ABCC4: variants seen among roughly 807,000 people sequenced by gnomAD.
ABCC4 encodes ATP-binding cassette sub-family C member 4.
In ABCC4, 102 loss-of-function variants were observed where a neutral mutation model predicts 168.5. That is an observed-to-expected ratio of 0.61 (90% CI 0.52 to 0.71). The LOEUF (loss-of-function observed/expected upper bound fraction) is 0.71. ABCC4 is among the 30% of genes least tolerant of loss of function. ABCC4 has a pLI of 0.00. For synonymous variants in ABCC4, 617 were observed against 590.7 expected, an observed-to-expected ratio of 1.04 and a Z score of -0.65; for missense variants, 1,402 against 1,605.8, an observed-to-expected ratio of 0.87 and a Z score of 2.17.
At chr13:95,095,907 C>T (rs2034580264) in intron 20 of ABCC4, 1 of 370,064 alleles carries the variant, frequency 2.7e-6, no homozygotes, top group Non-Finnish European at 4.8e-6. Context: ...AACAAAAACC[C>T]AGAGTACTCA....
intron 1 of ABCC4, among the ~76,000 whole-genome samples, chr13:95,261,716 C>T (rs1046574564): frequency 4.6e-5 from 7 of 152,120 alleles, no homozygotes; most frequent in Admixed American, 4.6e-4. Context: ...TAAGCTAGCA[C>T]ATTAGAGGTG....
At chr13:95,066,650 A>G (rs1023800393) in intron 25 of ABCC4, among the ~76,000 whole-genome samples, 2 of 152,218 alleles carry the variant, frequency 1.3e-5, no homozygotes, top group African/African-American at 4.8e-5. Context: ...TGCATTTTGC[A>G]AAAGAGAAAA....
In ABCC4 at chr13:95,073,235, C is replaced by T. The variant is rs755821526; in HGVS notation, c.2987G>A (p.Cys996Tyr). 4 of 1,613,844 alleles carry T rather than the reference C, an allele frequency of 2.5e-6. No individual in the cohort carries two copies. Among genetic ancestry groups the T allele is most frequent in the Admixed American group, 1.7e-5 (1 of 60,004 alleles). ...CTCAACTTCAGCACTTTGTCGAACA[C>T]ACCACTGAAACATCCCCATGAGCGT... ...ALTLMGMFQW[C>Y]VRQSAEVENM... Residue 996 changes from cysteine to tyrosine, a missense_variant, in exon 24 of 31, where the codon TGT becomes TAT. Around this residue, in one of 3 missense-constraint regions of ABCC4, gnomAD observed 1,007 missense variants for 1,127.3 expected, o/e 0.89. Coordinates refer to ENST00000645237, the MANE Select transcript of ABCC4 (RefSeq NM_005845.5).
In ABCC4 at chr13:95,136,074, T is replaced by C. The variant is rs981371678; in HGVS notation, c.2456-20073A>G. Among the ~76,000 whole-genome samples, 10 of 152,286 alleles carry C rather than the reference T, an allele frequency of 6.6e-5. 1 individual carries two copies. The highest frequency in any genetic ancestry group is 2.4e-4 in the African/African-American group (10 of 41,564). On this transcript the variant is annotated intron_variant, in intron 19 of 30. Coordinates refer to ENST00000645237, the MANE Select transcript of ABCC4 (RefSeq NM_005845.5). ...CAAATCATGATTTTTTGGATATAATTTAATATAAAATTAAGTAGAACAGTA... is the reference window on the plus strand; with the variant it reads ...CAAATCATGATTTTTTGGATATAATCTAATATAAAATTAAGTAGAACAGTA...
At chr13:95,105,102 A>G (rs1316169876) in intron 20 of ABCC4, among the ~76,000 whole-genome samples, 2 of 151,974 alleles carry the variant, frequency 1.3e-5, no homozygotes, top group East Asian at 3.9e-4. Flanking sequence ...AGATGGTCCC[A>G]TCTGGGGGTG....
At chr13:95,293,261 G>A (rs529494389) in intron 1 of ABCC4, among the ~76,000 whole-genome samples, 3 of 151,934 alleles carry the variant, frequency 2.0e-5, no homozygotes, top group Non-Finnish European at 2.9e-5. Flanking sequence ...GGGAGGCTGC[G>A]GCAGGAGAAT....
At chr13:95,081,223 G>C (rs910157947) in intron 21 of ABCC4, among the ~76,000 whole-genome samples, 3 of 150,328 alleles carry the variant, frequency 2.0e-5, no homozygotes, top group South Asian at 4.2e-4. Context: ...ATTCAAGAGA[G>C]AAAATCCTAC....
chr13:95,256,432 A>C (rs1395575029), intron 1 of ABCC4, among the ~76,000 whole-genome samples: 1 of 152,226 alleles, frequency 6.6e-6, no homozygotes, highest in Non-Finnish European at 1.5e-5. Context: ...TTCTGAGCCC[A>C]TCAGTGTATG....
intron 19 of ABCC4, among the ~76,000 whole-genome samples, chr13:95,128,390 A>G (rs977663259): frequency 2.0e-5 from 3 of 152,184 alleles, no homozygotes; most frequent in Non-Finnish European, 4.4e-5. Flanking sequence ...GTTCTCCCAT[A>G]AAAAGACATC....
At chr13:95,195,719 C>A (rs72643643) in intron 8 of ABCC4, among the ~76,000 whole-genome samples, 13,473 of 151,878 alleles carry the variant, frequency 0.089, 793 homozygotes, top group Admixed American at 0.18. Flanking sequence ...CTGCAGCCTC[C>A]GCCTCTCCGG....
intron 11 of ABCC4, 88 bp downstream of exon 11, chr13:95,186,613 T>TA (rs931417912): frequency 5.6e-5 from 73 of 1,293,614 alleles, no homozygotes; most frequent in Admixed American, 9.8e-5. Flanking sequence ...CTTTAAAAAT[T>TA]AAAAAAAAGT....
At chr13:95,175,703 T>G (rs2037654629) in intron 13 of ABCC4, among the ~76,000 whole-genome samples, 1 of 152,164 alleles carries the variant, frequency 6.6e-6, no homozygotes. Flanking sequence ...AAGAGGAGAT[T>G]TGGATACAGA....
chr13:95,175,850 C>T (rs1019174959), intron 13 of ABCC4, among the ~76,000 whole-genome samples: 2 of 151,908 alleles, frequency 1.3e-5, no homozygotes, highest in African/African-American at 4.8e-5. Context: ...GCTGTGGAAG[C>T]CCCCCAGCCT....
At chr13:95,125,946 C>T (rs149256438) in intron 19 of ABCC4, among the ~76,000 whole-genome samples, 2 of 152,296 alleles carry the variant, frequency 1.3e-5, no homozygotes, top group Non-Finnish European at 2.9e-5. Context: ...CAGGTAGAAT[C>T]TCTAGGACGA....
At chr13:95,054,798 C>T (rs35302250) in intron 26 of ABCC4, among the ~76,000 whole-genome samples, 14,904 of 152,096 alleles carry the variant, frequency 0.098, 973 homozygotes, top group Admixed American at 0.17. Flanking sequence ...TTCCCAAAAG[C>T]CTGAGAAGAG....
At chr13:95,295,485 C>G (rs146761968) in intron 1 of ABCC4, among the ~76,000 whole-genome samples, 1,566 of 151,780 alleles carry the variant, frequency 0.01, 32 homozygotes, top group African/African-American at 0.036. Context: ...TGATGAAATC[C>G]CATCTCTACT....
chr13:95,283,752 T>A (rs184637159), intron 1 of ABCC4, among the ~76,000 whole-genome samples: 26 of 151,598 alleles, frequency 1.7e-4, no homozygotes, highest in African/African-American at 4.6e-4. Context: ...ACCCCGTCTC[T>A]ATGGGCGTGG....
At chr13:95,119,830 C>T (rs963795269) in intron 19 of ABCC4, among the ~76,000 whole-genome samples, 1 of 152,160 alleles carries the variant, frequency 6.6e-6, no homozygotes, top group African/African-American at 2.4e-5. Flanking sequence ...TTTCAGGTAT[C>T]CAATTCAATG....
At chr13:95,051,545 T>A (rs1356296859) in intron 27 of ABCC4, among the ~76,000 whole-genome samples, 2 of 152,178 alleles carry the variant, frequency 1.3e-5, no homozygotes, top group Non-Finnish European at 2.9e-5. Context: ...ATTCTTTTTT[T>A]TTTTTTATTT....
Sources: allele counts gnomAD v4.1 joint callset (sites outside exome capture counted in the v4.1 genomes callset), GRCh38; gene constraint gnomAD v4.1.1; regional missense constraint gnomAD v4.1.1; transcripts MANE v1.5; gene names NCBI Gene and HGNC (gene_info 2026-07-23, HGNC 2026-07-21).